Variants in UGT1A4 observed in about 807,000 individuals in gnomAD.
The protein encoded by UGT1A4 is UDP-glucuronosyltransferase 1A4.
Under a neutral mutation model 41.1 loss-of-function variants are expected in UGT1A4, and 32 were observed. The ratio of observed to expected loss-of-function variants is 0.78; its 90% CI spans 0.59 to 1.05. The LOEUF (loss-of-function observed/expected upper bound fraction) is 1.05. UGT1A4 is among the 50% of genes least tolerant of loss of function. The pLI is 0.00. For missense variants in UGT1A4, 748 were observed against 677.4 expected, an observed-to-expected ratio of 1.10 and a Z score of -1.16; for synonymous variants, 283 against 265.1, an observed-to-expected ratio of 1.07 and a Z score of -0.66.
At position 233,734,617 on chromosome 2, in the gene UGT1A4, T is replaced by G. The variant is rs143652933; in HGVS notation, c.867+14930T>G. On this transcript the variant is annotated intron_variant, in intron 1 of 4. Coordinates refer to ENST00000373409, the MANE Select transcript of UGT1A4 (RefSeq NM_007120.3). ...TTATTTGTGATGTTAGTGTGTTGATTTTAGATCTTTCCTGCTTTCTCCTGT... is the reference window on the plus strand; with the variant it reads ...TTATTTGTGATGTTAGTGTGTTGATGTTAGATCTTTCCTGCTTTCTCCTGT... 1.1e-4 allele frequency among the ~76,000 whole-genome samples: 16 copies of G among 152,330 alleles called. No individual in the cohort carries two copies. The East Asian group carries it at 1.3e-3, about 13-fold the overall frequency.
intron 1 of UGT1A4, chr2:233,743,763 C>A (rs1415597563): frequency 7.3e-7 from 1 of 1,367,254 alleles, no homozygotes; most frequent in African/African-American, 1.5e-5. Flanking sequence ...ACCTCGTAGG[C>A]CTCGGCCACC....
At chr2:233,766,838 C>A (rs906628829) in intron 1 of UGT1A4, among the ~76,000 whole-genome samples, 196 bp from the exon 2 acceptor site, 7 of 152,156 alleles carry the variant, frequency 4.6e-5, no homozygotes, top group African/African-American at 1.7e-4. Context: ...TAAGCAGGAA[C>A]CCTTCCTCCT....
chr2:233,746,961 G>C (rs1559391605), intron 1 of UGT1A4, among the ~76,000 whole-genome samples: 1 of 151,802 alleles, frequency 6.6e-6, no homozygotes, highest in Non-Finnish European at 1.5e-5. Flanking sequence ...CTTGAACTTG[G>C]ATGTTCCCCA....
intron 1 of UGT1A4, chr2:233,744,072 T>C (rs1692686314): frequency 2.1e-6 from 1 of 476,432 alleles, no homozygotes; most frequent in South Asian, 2.0e-5. Context: ...TATGAGCGCC[T>C]CGCATCCCAA....
At chr2:233,765,606 C>G (rs4663971) in intron 1 of UGT1A4, among the ~76,000 whole-genome samples, 75,263 of 151,312 alleles carry the variant, frequency 0.5, 19,319 homozygotes, top group African/African-American at 0.62. Context: ...GGGCTTGTGG[C>G]GGGGTGAGGG....
chr2:233,720,572 T>C (rs2076872220), intron 1 of UGT1A4, among the ~76,000 whole-genome samples: 1 of 152,112 alleles, frequency 6.6e-6, no homozygotes, highest in Non-Finnish European at 1.5e-5. Context: ...ATCTATTCTT[T>C]TTCCAAAAAT....
intron 1 of UGT1A4, chr2:233,755,367 G>A: frequency 2.8e-6 from 1 of 362,114 alleles, no homozygotes; most frequent in Non-Finnish European, 5.3e-6. Context: ...TGGGCCGCCT[G>A]GAGGGCCGCC....
chr2:233,748,945 A>T (rs1040839145), intron 1 of UGT1A4, among the ~76,000 whole-genome samples: 1 of 151,666 alleles, frequency 6.6e-6, no homozygotes, highest in Non-Finnish European at 1.5e-5. Context: ...AACCCACCCT[A>T]TCCCACTCCA....
chr2:233,766,278 C>T (rs4663334), intron 1 of UGT1A4, among the ~76,000 whole-genome samples: 20,562 of 116,134 alleles, frequency 0.18, 1,583 homozygotes, highest in African/African-American at 0.25. Flanking sequence ...CTCGGTGGCC[C>T]GGGCTCGGTG....
Position 233,753,486 on chromosome 2 carries a change from C to T in UGT1A4, c.868-13548C>T, listed in dbSNP as rs1410623213. The T allele has an allele frequency of 2.0e-5, 3 of 152,196 alleles. No homozygotes were observed. The East Asian group carries it at 5.8e-4, about 29-fold the overall frequency. 9.4% of individuals were successfully genotyped at this position (152,196 alleles called of 1,614,324 possible). On this transcript the variant is annotated intron_variant, in intron 1 of 4. Coordinates refer to ENST00000373409, the MANE Select transcript of UGT1A4 (RefSeq NM_007120.3). ...TGTAAAAAATTACCAGCATGCTGCT[C>T]TTAATTTTTTTCAGCCTGTCTAGTT... is the stretch of plus-strand genomic sequence containing the variant.
intron 1 of UGT1A4, among the ~76,000 whole-genome samples, chr2:233,739,485 C>T (rs535486258): frequency 1.8e-4 from 27 of 152,374 alleles, no homozygotes; most frequent in African/African-American, 6.3e-4. Context: ...GAGCCCATTT[C>T]TGGCATCACC....
At position 233,772,663 on chromosome 2, in the gene UGT1A4, A is replaced by G. The variant is rs1700540831; in HGVS notation, c.*104A>G. The G allele has an allele frequency of 5.2e-6, 8 of 1,539,906 alleles. No homozygotes were observed. Among genetic ancestry groups the G allele is most frequent in the Non-Finnish European group, 7.0e-6 (8 of 1,144,332 alleles). On this transcript the variant is annotated 3_prime_UTR_variant, in exon 5 of 5. Coordinates refer to ENST00000373409, the MANE Select transcript of UGT1A4 (RefSeq NM_007120.3). Reference sequence around the variant, plus strand: ...TTCATTTTATTCTTATTAAGGAAATACTTTGCATAAATTAATCAGCCCCAG... The same window carrying G: ...TTCATTTTATTCTTATTAAGGAAATGCTTTGCATAAATTAATCAGCCCCAG...
intron 4 of UGT1A4, chr2:233,771,308 TC>T (rs1375108743): frequency 6.6e-6 from 1 of 152,198 alleles, no homozygotes; most frequent in African/African-American, 2.4e-5. Context: ...CTCCTCCTTT[TC>T]CCTCTCCTCT....
At chr2:233,762,311 G>T (rs1026120967) in intron 1 of UGT1A4, among the ~76,000 whole-genome samples, 9 of 152,158 alleles carry the variant, frequency 5.9e-5, no homozygotes, top group African/African-American at 2.2e-4. Context: ...CTAGTTAATG[G>T]GTCGAGAGTA....
intron 1 of UGT1A4, chr2:233,729,388 G>T: frequency 1.2e-6 from 2 of 1,613,884 alleles, no homozygotes; most frequent in Non-Finnish European, 1.7e-6. Context: ...GACCCAGGAT[G>T]AATTTGATCG....
intron 1 of UGT1A4, chr2:233,760,443 G>A (rs773136953): frequency 2.5e-6 from 4 of 1,614,132 alleles, no homozygotes; most frequent in Non-Finnish European, 1.7e-6. Context: ...AGCTGCAGCA[G>A]AGGGGACATG....
At chr2:233,760,330 C>G (rs2125982719) in intron 1 of UGT1A4, 1 of 1,614,052 alleles carries the variant, frequency 6.2e-7, no homozygotes. Flanking sequence ...TGTCCTGGGC[C>G]TGCTGCTGTG....
At chr2:233,749,106 G>A (rs2125896769) in intron 1 of UGT1A4, among the ~76,000 whole-genome samples, 1 of 151,816 alleles carries the variant, frequency 6.6e-6, no homozygotes, top group Admixed American at 6.5e-5. Context: ...AGAGAATTCA[G>A]CCTTTTTATG....
At position 233,767,890 on chromosome 2, in the gene UGT1A4, G is replaced by A. The variant is rs770433443; in HGVS notation, c.1041G>A (p.Ala347=). The A allele has an allele frequency of 2.3e-5, 37 of 1,613,976 alleles. 1 individual carries two copies. The highest frequency in any genetic ancestry group is 1.6e-4 in the Middle Eastern group (1 of 6,082). The part of the protein sequence containing the change: ...RYTGTRPSNL[A]NNTILVKWLP... ...CTGGAACCCGACCATCGAATCTTGC[G>A]AACAACACGATACTTGTTAAGTGGC... is the stretch of plus-strand genomic sequence containing the variant. The change falls in exon 3 of 5, where the codon GCG becomes GCA. Residue 347 remains alanine (A), a synonymous_variant. Transcript: ENST00000373409.
Sources: gnomAD v4.1 joint callset for allele counts (sites outside exome capture counted in the v4.1 genomes callset) on GRCh38, gnomAD v4.1.1 for gene constraint, MANE v1.5 for transcripts, NCBI Gene and HGNC (gene_info 2026-07-23, HGNC 2026-07-21) for gene names.